The following TBPL1 variants were observed in gnomAD, a reference collection of about 807,000 sequenced individuals.
TBPL1 encodes TATA box-binding protein-like 1.
In TBPL1, 4 loss-of-function variants were observed where a neutral mutation model predicts 22.1. The ratio of observed to expected loss-of-function variants is 0.18; its 90% CI spans 0.09 to 0.41. The LOEUF (loss-of-function observed/expected upper bound fraction) is 0.41, where lower values mean the gene tolerates loss of function less well. Ranked by LOEUF, TBPL1 falls within the 10% of genes least tolerant of loss-of-function variation. TBPL1 has a pLI of 1.00. For missense variants in TBPL1, 115 were observed against 222.3 expected (o/e 0.52, Z 3.07); for synonymous variants, 64 against 71.0 (o/e 0.90, Z 0.50).
At chr6:133,962,479 C>T (rs191093605) in intron 1 of TBPL1, among the ~76,000 whole-genome samples, 13 of 152,212 alleles carry the variant, frequency 8.5e-5, no homozygotes, top group Non-Finnish European at 1.3e-4. Context: ...TCTGAAATTT[C>T]TGGTTGAAGT....
chr6:133,977,388 G>A (rs1006716804), intron 1 of TBPL1, among the ~76,000 whole-genome samples: 1 of 151,914 alleles, frequency 6.6e-6, no homozygotes, highest in Non-Finnish European at 1.5e-5. Context: ...GAATTTCAAG[G>A]CTTCTTTTTT....
intron 4 of TBPL1, among the ~76,000 whole-genome samples, chr6:133,983,653 C>T (rs1776455640): frequency 6.6e-6 from 1 of 152,128 alleles, no homozygotes; most frequent in Non-Finnish European, 1.5e-5. Context: ...TGGCTTTGCG[C>T]AACTGCTGTG....
At chr6:133,966,152 T>A (rs948450349) in intron 1 of TBPL1, among the ~76,000 whole-genome samples, 1 of 152,126 alleles carries the variant, frequency 6.6e-6, no homozygotes, top group Admixed American at 6.5e-5. Context: ...CATTGCTTTT[T>A]AATAACCTCA....
intron 1 of TBPL1, among the ~76,000 whole-genome samples, chr6:133,964,605 A>C (rs1453604791): frequency 6.6e-6 from 1 of 150,754 alleles, no homozygotes; most frequent in Non-Finnish European, 1.5e-5. Flanking sequence ...GCCTGCCACC[A>C]CTCCAGGCTA....
intron 1 of TBPL1, among the ~76,000 whole-genome samples, chr6:133,958,899 A>G (rs1474428675): frequency 1.3e-5 from 2 of 152,154 alleles, no homozygotes; most frequent in Non-Finnish European, 2.9e-5. Flanking sequence ...TCCACACACT[A>G]AGGAGGTTGG....
chr6:133,971,581 GTT>G (rs1388242748), intron 1 of TBPL1, among the ~76,000 whole-genome samples: 93 of 22,032 alleles, frequency 4.2e-3, no homozygotes, highest in Middle Eastern at 0.027. Flanking sequence ...ATACATAGGT[GTT>G]GTTGTTGTTG....
At position 133,966,625 on chromosome 6, in the gene TBPL1, C is replaced by T. The variant is rs185118013; in HGVS notation, c.-45+13200C>T. On this transcript the variant is annotated intron_variant, in intron 1 of 6. Transcript: ENST00000237264. ...ATGTCCAAAACCGAATTGTTAACCC[C>T]TCCTACCTTTCTCATCTGCCCTGCA... 1.6e-3 allele frequency among the ~76,000 whole-genome samples: 247 copies of T among 152,298 alleles called. 1 individual carries two copies. The highest frequency in any genetic ancestry group is 6.8e-3 in the Middle Eastern group (2 of 294).
intron 1 of TBPL1, among the ~76,000 whole-genome samples, chr6:133,978,945 A>C (rs1776361913): frequency 6.6e-6 from 1 of 152,238 alleles, no homozygotes; most frequent in East Asian, 1.9e-4. Flanking sequence ...TTTGTGAGTT[A>C]AGTCAAATTG....
chr6:133,964,123 A>G (rs984757479), intron 1 of TBPL1, among the ~76,000 whole-genome samples: 1 of 152,120 alleles, frequency 6.6e-6, no homozygotes, highest in Non-Finnish European at 1.5e-5. Context: ...TTTTACTTGT[A>G]TATTATCATT....
chr6:133,955,487 T>C (rs981035896), intron 1 of TBPL1, among the ~76,000 whole-genome samples: 4 of 152,224 alleles, frequency 2.6e-5, no homozygotes, highest in Non-Finnish European at 5.9e-5. Context: ...TAATGTGATT[T>C]TATCTGTTGC....
At chr6:133,970,425 GTGTT>G (rs1776198962) in intron 1 of TBPL1, among the ~76,000 whole-genome samples, 2 of 152,102 alleles carry the variant, frequency 1.3e-5, no homozygotes, top group Admixed American at 6.5e-5. Flanking sequence ...ATGTGTATAT[GTGTT>G]TGTTTAAGTA....
intron 4 of TBPL1, 108 bp from the exon 5 acceptor site, chr6:133,984,268 T>C (rs1776468136): frequency 1.3e-6 from 1 of 787,042 alleles, no homozygotes; most frequent in South Asian, 1.9e-5. Context: ...ACTTAAAATG[T>C]TTTTGTTTTA....
Position 133,987,558 on chromosome 6 carries a change from T to C in TBPL1, c.*518T>C, listed in dbSNP as rs905877700. On this transcript the variant is annotated 3_prime_UTR_variant, in exon 7 of 7. Coordinates refer to ENST00000237264, the MANE Select transcript of TBPL1 (RefSeq NM_004865.4). ...AACAAAAATTGTATTCATACTTCTT[T>C]TTTTTAAAATCTATGCAAGCTTAAG... is the stretch of plus-strand genomic sequence containing the variant. The C allele has an allele frequency of 6.6e-6, 1 of 152,308 alleles. No homozygotes were observed. The highest frequency in any genetic ancestry group is 1.5e-5 in the Non-Finnish European group (1 of 67,980). 9.4% of individuals were successfully genotyped at this position (152,308 alleles called of 1,614,324 possible).
At chr6:133,971,579 G>GTGT (rs150184171) in intron 1 of TBPL1, among the ~76,000 whole-genome samples, 33 of 151,052 alleles carry the variant, frequency 2.2e-4, no homozygotes, top group East Asian at 1.4e-3. Context: ...CAATACATAG[G>GTGT]TGTTGTTGTT....
intron 1 of TBPL1, among the ~76,000 whole-genome samples, chr6:133,959,925 G>C (rs925587627): frequency 3.3e-5 from 5 of 152,168 alleles, no homozygotes; most frequent in Non-Finnish European, 5.9e-5. Flanking sequence ...AACATTTATA[G>C]GGCCTGTTAC....
At position 133,957,663 on chromosome 6, in the gene TBPL1, A is replaced by G. The variant is rs556064048; in HGVS notation, c.-45+4238A>G. Among the ~76,000 whole-genome samples the G allele has an allele frequency of 9.8e-5, 15 of 152,336 alleles. No individual in the cohort carries two copies. The East Asian group carries it at 2.5e-3, about 25-fold the overall frequency. On this transcript the variant is annotated intron_variant, in intron 1 of 6. Coordinates refer to ENST00000237264, the MANE Select transcript of TBPL1 (RefSeq NM_004865.4). ...CTTAAAGAGTACGGACTCTGGATGC[A>G]GGCAGCCTGTGTTCAGCATCATGGC...
intron 4 of TBPL1, 105 bp downstream of exon 4, chr6:133,982,985 T>C (rs955750895): frequency 8.4e-6 from 9 of 1,066,244 alleles, no homozygotes; most frequent in African/African-American, 4.8e-5. Flanking sequence ...ACTATTCTTA[T>C]GATTAAACTT....
chr6:133,962,111 G>A (rs975527259), intron 1 of TBPL1, among the ~76,000 whole-genome samples: 4 of 152,188 alleles, frequency 2.6e-5, no homozygotes, highest in African/African-American at 9.6e-5. Context: ...TATTGGAAGA[G>A]GAATGGTGTA....
chr6:133,985,337 T>TACACAC (rs60174070), intron 6 of TBPL1, among the ~76,000 whole-genome samples: 23 of 55,038 alleles, frequency 4.2e-4, no homozygotes, highest in African/African-American at 1.2e-3. Flanking sequence ...TATATATATA[T>TACACAC]ACACACATAT....
Sources: gnomAD v4.1 joint callset for allele counts (sites outside exome capture counted in the v4.1 genomes callset) on GRCh38, gnomAD v4.1.1 for gene constraint, MANE v1.5 for transcripts, NCBI Gene and HGNC (gene_info 2026-07-23, HGNC 2026-07-21) for gene names.